The following DACH1 variants were observed in gnomAD, a reference collection of about 807,000 sequenced individuals.
The protein encoded by DACH1 is dachshund family transcription factor 1, also known as dachshund homolog 1.
Under a neutral mutation model 54.2 loss-of-function variants are expected in DACH1, and 12 were observed. That is an observed-to-expected ratio of 0.22 (90% CI 0.14 to 0.36). DACH1 has a LOEUF of 0.36. Among genes scored for constraint, DACH1 ranks in the 10% least tolerant of loss-of-function variants. The pLI, the probability that DACH1 is intolerant of heterozygous loss-of-function variation, is 1.00. For missense variants in DACH1, 805 were observed against 929.8 expected (o/e 0.87, Z 1.75); for synonymous variants, 386 against 366.2 (o/e 1.05, Z -0.62).
chr13:71,640,505 A>G (rs1877818034), intron 2 of DACH1, among the ~76,000 whole-genome samples: 1 of 152,102 alleles, frequency 6.6e-6, no homozygotes. Flanking sequence ...TCTTCTCTGC[A>G]TATCTTGAAT....
intron 6 of DACH1, 103 bp from the exon 7 acceptor site, chr13:71,489,251 A>C: frequency 1.5e-6 from 2 of 1,311,148 alleles, no homozygotes; most frequent in Non-Finnish European, 1.0e-6. Context: ...TTTATTGCAA[A>C]TTGGTTCCTG....
At chr13:71,660,336 G>A (rs954697849) in intron 2 of DACH1, among the ~76,000 whole-genome samples, 1 of 151,924 alleles carries the variant, frequency 6.6e-6, no homozygotes, top group Non-Finnish European at 1.5e-5. Context: ...ATATACAAGG[G>A]TTTTGAACAT....
At chr13:71,537,262 A>G (rs186887427) in intron 6 of DACH1, among the ~76,000 whole-genome samples, 138 of 152,140 alleles carry the variant, frequency 9.1e-4, no homozygotes, top group African/African-American at 3.0e-3. Flanking sequence ...TTGCGTTATC[A>G]TTCAGCCGCA....
chr13:71,667,426 T>C (rs1057243058), intron 2 of DACH1, among the ~76,000 whole-genome samples: 9 of 152,198 alleles, frequency 5.9e-5, no homozygotes, highest in African/African-American at 2.2e-4. Flanking sequence ...ATGGGAGTGA[T>C]AATGCTGACA....
In DACH1 at chr13:71,486,804, TTATTTATTTATC is replaced by T. The variant is rs763545830; in HGVS notation, c.1722+2181_1722+2192del. On this transcript the variant is annotated intron_variant, in intron 7 of 10. Transcript: ENST00000613252. ...GGACAAGCTAAATTAATTAATTTATTTATTTATTTATCTATCTATCTATCTATCTATCTATCT... is the reference window on the plus strand; with the variant it reads ...GGACAAGCTAAATTAATTAATTTATTTATCTATCTATCTATCTATCTATCT... 5.6e-3 allele frequency among the ~76,000 whole-genome samples: 145 copies of T among 26,118 alleles called. No homozygotes were observed. In the East Asian group the frequency reaches 0.069, roughly 12 times the overall value. 17.1% of individuals were successfully genotyped at this position (26,118 alleles called of 152,430 possible). A position where few individuals can be genotyped will look rare whatever the true frequency, so the allele number is the denominator to read the frequency against.
intron 1 of DACH1, among the ~76,000 whole-genome samples, chr13:71,828,033 T>G (rs1888445289): frequency 6.6e-6 from 1 of 152,006 alleles, no homozygotes; most frequent in South Asian, 2.1e-4. Flanking sequence ...AAAGAAGAGG[T>G]CCTGCACCAG....
chr13:71,824,969 A>C (rs1357460784), intron 1 of DACH1, among the ~76,000 whole-genome samples: 1 of 152,086 alleles, frequency 6.6e-6, no homozygotes, highest in Non-Finnish European at 1.5e-5. Flanking sequence ...AATTCAAAGA[A>C]TGACCCAAAT....
intron 1 of DACH1, among the ~76,000 whole-genome samples, chr13:71,819,425 C>T (rs1199866763): frequency 6.6e-6 from 1 of 151,458 alleles, no homozygotes; most frequent in African/African-American, 2.4e-5. Flanking sequence ...TGGAAAATAT[C>T]CAGCATGGAA....
chr13:71,838,121 G>T (rs1210624324), intron 1 of DACH1, among the ~76,000 whole-genome samples: 1 of 151,282 alleles, frequency 6.6e-6, no homozygotes, highest in African/African-American at 2.4e-5. Context: ...TAGTGAAGAG[G>T]TGTAAGAGAA....
rs138968898 is a variant in DACH1 at position 71,699,629 on chromosome 13, C to G, written c.849-17719G>C. ...CTGGTATATAAACTGTCAATGTGAA[C>G]ACGATGAAAAAAGAATGGAGAATCT... On this transcript the variant is annotated intron_variant, in intron 1 of 10. Coordinates refer to ENST00000613252, the MANE Select transcript of DACH1 (RefSeq NM_080759.6). 2.0e-5 allele frequency among the ~76,000 whole-genome samples: 3 copies of G among 152,188 alleles called. No individual in the cohort carries two copies. The East Asian group carries it at 5.8e-4, about 29-fold the overall frequency.
chr13:71,845,742 T>C (rs1873194304), intron 1 of DACH1, among the ~76,000 whole-genome samples: 1 of 152,216 alleles, frequency 6.6e-6, no homozygotes, highest in African/African-American at 2.4e-5. Context: ...CATAATCCAG[T>C]ATCCTTATGT....
intron 1 of DACH1, among the ~76,000 whole-genome samples, chr13:71,748,540 T>C (rs1040437110): frequency 6.6e-6 from 1 of 152,170 alleles, no homozygotes; most frequent in Admixed American, 6.5e-5. Context: ...CCCCAGAACA[T>C]CCTTTGCCCT....
rs964953517 is a variant in DACH1 at position 71,689,943 on chromosome 13, A to G, written c.849-8033T>C. Among the ~76,000 whole-genome samples, 4 of 152,186 alleles carry G rather than the reference A, an allele frequency of 2.6e-5. 1 individual carries two copies. In the East Asian group the frequency reaches 7.7e-4, roughly 29 times the overall value. ...AAGATATTTAAAATCCATTATGTAT[A>G]TTAGTTATACTAATCTTAGAATATA... On this transcript the variant is annotated intron_variant, in intron 1 of 10. Coordinates refer to ENST00000613252, the MANE Select transcript of DACH1 (RefSeq NM_080759.6).
chr13:71,624,025 T>C (rs1163219885), intron 3 of DACH1, among the ~76,000 whole-genome samples: 1 of 151,952 alleles, frequency 6.6e-6, no homozygotes, highest in Non-Finnish European at 1.5e-5. Flanking sequence ...TTCCTAATCA[T>C]TGTCAAACTG....
chr13:71,562,218 T>A (rs1410544586), intron 4 of DACH1, among the ~76,000 whole-genome samples: 1 of 152,182 alleles, frequency 6.6e-6, no homozygotes, highest in Non-Finnish European at 1.5e-5. Flanking sequence ...TTTACCTTAA[T>A]TGATCGGGGT....
At chr13:71,733,784 T>G (rs969179840) in intron 1 of DACH1, among the ~76,000 whole-genome samples, 17 of 152,292 alleles carry the variant, frequency 1.1e-4, no homozygotes, top group Admixed American at 3.9e-4. Context: ...CATATTATTC[T>G]CTTAAAATGA....
At position 71,509,719 on chromosome 13, in the gene DACH1, G is replaced by A. The variant is rs533064247; in HGVS notation, c.1571-20571C>T. Reference sequence around the variant, plus strand: ...ACTGCCTCAAATTTCTCCTGCAATTGTACCTTTCTTTTACAGACTCTTCTG... The same window carrying A: ...ACTGCCTCAAATTTCTCCTGCAATTATACCTTTCTTTTACAGACTCTTCTG... On this transcript the variant is annotated intron_variant, in intron 6 of 10. Transcript: ENST00000613252. 1.1e-4 allele frequency among the ~76,000 whole-genome samples: 16 copies of A among 151,950 alleles called. No individual in the cohort carries two copies. In the South Asian group the frequency reaches 3.1e-3, roughly 30 times the overall value.
At chr13:71,589,870 G>T (rs939621854) in intron 3 of DACH1, among the ~76,000 whole-genome samples, 3 of 151,862 alleles carry the variant, frequency 2.0e-5, no homozygotes, top group Non-Finnish European at 4.4e-5. Context: ...TTCAGTAAAT[G>T]ACAGCACATT....
chr13:71,818,942 A>C (rs1464384331), intron 1 of DACH1, among the ~76,000 whole-genome samples: 1 of 152,190 alleles, frequency 6.6e-6, no homozygotes, highest in Non-Finnish European at 1.5e-5. Flanking sequence ...TGAATCCATC[A>C]AGGTCTCTAT....
Sources: gnomAD v4.1 joint callset for allele counts (sites outside exome capture counted in the v4.1 genomes callset) on GRCh38, gnomAD v4.1.1 for gene constraint, MANE v1.5 for transcripts, NCBI Gene and HGNC (gene_info 2026-07-23, HGNC 2026-07-21) for gene names.